The following HECW1 variants were observed in gnomAD, a reference collection of about 807,000 sequenced individuals.
HECW1 encodes the protein E3 ubiquitin-protein ligase HECW1.
HECW1 carries 61 observed loss-of-function variants against 182.3 expected under a neutral mutation model. The ratio of observed to expected loss-of-function variants is 0.33; its 90% confidence interval spans 0.27 to 0.41. HECW1 has a LOEUF of 0.41. Among genes scored for constraint, HECW1 ranks in the 10% least tolerant of loss-of-function variants. The pLI, the probability that HECW1 is intolerant of heterozygous loss-of-function variation, is 1.00. For synonymous variants in HECW1, 859 were observed against 832.6 expected, an observed-to-expected ratio of 1.03 and a Z score of -0.55; for missense variants, 1,739 against 2,108.9, an observed-to-expected ratio of 0.82 and a Z score of 3.44.
chr7:43,125,552 C>T (rs11771902), intron 2 of HECW1, among the ~76,000 whole-genome samples: 35,688 of 151,356 alleles, frequency 0.24, 4,514 homozygotes, highest in Non-Finnish European at 0.28. Context: ...GTCAGGAGTT[C>T]GAGACCAGCC....
At position 43,221,710 on chromosome 7, in the gene HECW1, C is replaced by T. The variant is rs531648983; in HGVS notation, c.-31-22165C>T. Among the ~76,000 whole-genome samples, 27 of 151,696 alleles carry T rather than the reference C, an allele frequency of 1.8e-4. No individual in the cohort carries two copies. In the South Asian group the frequency reaches 2.3e-3, roughly 13 times the overall value. On this transcript the variant is annotated intron_variant, in intron 2 of 29. Transcript: ENST00000395891. ...CTGGGACTACAGGTGCCCACCACCA[C>T]GCCCGGCTAATTTTTTGTATTTTTA...
intron 8 of HECW1, among the ~76,000 whole-genome samples, chr7:43,429,650 A>G (rs1199370621): frequency 2.0e-5 from 3 of 152,184 alleles, no homozygotes; most frequent in Non-Finnish European, 4.4e-5. Flanking sequence ...AAAGTCACAT[A>G]CATTGCAAGG....
intron 15 of HECW1, among the ~76,000 whole-genome samples, chr7:43,467,559 G>A (rs944198095): frequency 1.3e-5 from 2 of 152,070 alleles, no homozygotes; most frequent in African/African-American, 4.8e-5. Flanking sequence ...TGACCAGAGG[G>A]GTTGATGATG....
intron 15 of HECW1, among the ~76,000 whole-genome samples, chr7:43,468,619 C>T (rs1314810471): frequency 6.6e-6 from 1 of 152,058 alleles, no homozygotes; most frequent in Non-Finnish European, 1.5e-5. Context: ...TTCTCAGACT[C>T]AGGTGATCCT....
chr7:43,460,446 A>AG, intron 13 of HECW1, among the ~76,000 whole-genome samples: 1 of 152,088 alleles, frequency 6.6e-6, no homozygotes, highest in East Asian at 1.9e-4. Flanking sequence ...GCTTTTTTAA[A>AG]GGGGGGAGGT....
chr7:43,339,003 T>A (rs1045115704), intron 5 of HECW1, among the ~76,000 whole-genome samples: 3 of 152,196 alleles, frequency 2.0e-5, no homozygotes, highest in Non-Finnish European at 2.9e-5. Flanking sequence ...CACTTAGGAA[T>A]GTCATTTATC....
intron 16 of HECW1, among the ~76,000 whole-genome samples, chr7:43,479,369 G>A (rs1472081772): frequency 6.6e-6 from 1 of 152,158 alleles, no homozygotes; most frequent in East Asian, 1.9e-4. Flanking sequence ...TGATCTGACA[G>A]GAGGTGGAGC....
At chr7:43,497,598 A>C (rs1271356336) in intron 19 of HECW1, among the ~76,000 whole-genome samples, 1 of 152,150 alleles carries the variant, frequency 6.6e-6, no homozygotes, top group Non-Finnish European at 1.5e-5. Flanking sequence ...GGGGCATAAG[A>C]TGGAACAGGG....
At chr7:43,328,028 G>A (rs754933350) in intron 5 of HECW1, among the ~76,000 whole-genome samples, 2 of 149,946 alleles carry the variant, frequency 1.3e-5, no homozygotes, top group East Asian at 1.9e-4. Flanking sequence ...ATGATAAAAC[G>A]GATTTGGGGC....
intron 3 of HECW1, among the ~76,000 whole-genome samples, chr7:43,281,673 A>G (rs1383240275): frequency 7.1e-6 from 1 of 140,824 alleles, no homozygotes; most frequent in Non-Finnish European, 1.5e-5. Context: ...CTTCAGAATT[A>G]GATCCTCCTC....
chr7:43,463,613 G>A, intron 13 of HECW1, 47 bp from the exon 14 acceptor site: 1 of 1,585,734 alleles, frequency 6.3e-7, no homozygotes, highest in East Asian at 2.3e-5. Context: ...TGGCCCCCAA[G>A]GAGCAAACCA....
rs1365328859 is a variant in HECW1 at position 43,207,479 on chromosome 7, C to T, written c.-31-36396C>T. On this transcript the variant is annotated intron_variant, in intron 2 of 29. Coordinates refer to ENST00000395891, the MANE Select transcript of HECW1 (RefSeq NM_015052.5). ...ATCATTTCTTTGTCTTGGAAATATT[C>T]AATACCCTCCTTCTATTTAATAGCT... is the stretch of plus-strand genomic sequence containing the variant. Among the ~76,000 whole-genome samples the T allele has an allele frequency of 5.9e-5, 9 of 152,214 alleles. No homozygotes were observed. In the East Asian group the frequency reaches 1.7e-3, roughly 29 times the overall value.
At chr7:43,514,039 A>G (rs2080011534) in intron 24 of HECW1, among the ~76,000 whole-genome samples, 1 of 152,182 alleles carries the variant, frequency 6.6e-6, no homozygotes, top group Non-Finnish European at 1.5e-5. Flanking sequence ...AAACCCAACC[A>G]TGAACCAGAG....
chr7:43,551,494 C>T (rs886736212), intron 27 of HECW1, among the ~76,000 whole-genome samples: 1 of 151,532 alleles, frequency 6.6e-6, no homozygotes, highest in Non-Finnish European at 1.5e-5. Context: ...TGAAAGGTTA[C>T]ATTTTAAGTG....
At chr7:43,140,340 A>T (rs1405075514) in intron 2 of HECW1, among the ~76,000 whole-genome samples, 1 of 152,142 alleles carries the variant, frequency 6.6e-6, no homozygotes, top group Non-Finnish European at 1.5e-5. Flanking sequence ...CAGGCCATAG[A>T]GGTGCTTCTT....
rs35892407 is a variant in HECW1 at position 43,530,116 on chromosome 7, A to ATT, written c.4020-11027_4020-11026dup. 1.2e-3 allele frequency among the ~76,000 whole-genome samples: 141 copies of ATT among 121,226 alleles called. 1 individual carries two copies. The highest frequency in any genetic ancestry group is 4.4e-3 in the Middle Eastern group (1 of 228). 79.5% of individuals were successfully genotyped at this position (121,226 alleles called of 152,430 possible). Reference sequence around the variant, plus strand: ...AGGCCTGTGCCACCATGCTTGGCTAATTTTTTTTTTTTTTTTTTTTTAGTA... The same window carrying ATT: ...AGGCCTGTGCCACCATGCTTGGCTAATTTTTTTTTTTTTTTTTTTTTTTAGTA... On this transcript the variant is annotated intron_variant, in intron 24 of 29. Transcript: ENST00000395891.
In HECW1 at chr7:43,523,217, G is replaced by C. The variant is rs550873878; in HGVS notation, c.4019+14096G>C. The C allele has an allele frequency of 2.5e-5, 6 of 240,024 alleles. No homozygotes were observed. The East Asian group carries it at 6.1e-4, about 24-fold the overall frequency. 14.9% of individuals were successfully genotyped at this position (240,024 alleles called of 1,614,324 possible). A position where few individuals can be genotyped will look rare whatever the true frequency, so the allele number is the denominator to read the frequency against. ...AGGGGTTTCTCCATGTTGGCCGGGG[G>C]GGGTCTCGAACTCCTGACCTCAGTT... On this transcript the variant is annotated intron_variant, in intron 24 of 29. Coordinates refer to ENST00000395891, the MANE Select transcript of HECW1 (RefSeq NM_015052.5).
intron 2 of HECW1, chr7:43,118,926 A>T (rs144879555): frequency 1.3e-5 from 2 of 151,948 alleles, no homozygotes; most frequent in African/African-American, 4.8e-5. Context: ...CCCATGATGG[A>T]TTTTCTGTTT....
chr7:43,188,279 T>C (rs1465921930), intron 2 of HECW1, among the ~76,000 whole-genome samples: 2 of 152,220 alleles, frequency 1.3e-5, no homozygotes, highest in Non-Finnish European at 2.9e-5. Context: ...CAGATTTAGA[T>C]TGAGGTTTTT....
Sources: allele counts gnomAD v4.1 joint callset (sites outside exome capture counted in the v4.1 genomes callset), GRCh38; gene constraint gnomAD v4.1.1; transcripts MANE v1.5; gene names NCBI Gene and HGNC (gene_info 2026-07-23, HGNC 2026-07-21).